Variants in BRD3 observed in about 807,000 individuals in gnomAD.
The protein encoded by BRD3 is bromodomain containing 3, also known as bromodomain-containing protein 3.
Under a neutral mutation model 66.8 loss-of-function variants are expected in BRD3, and 17 were observed. That is an observed-to-expected ratio of 0.25 (90% CI 0.17 to 0.38). The LOEUF (loss-of-function observed/expected upper bound fraction) is 0.38, where lower values mean the gene tolerates loss of function less well. Among genes scored for constraint, BRD3 ranks in the 10% least tolerant of loss-of-function variants. BRD3 has a pLI of 1.00. For missense variants in BRD3, 713 were observed against 956.1 expected (o/e 0.75, Z 3.35); for synonymous variants, 421 against 393.2 (o/e 1.07, Z -0.84).
At chr9:134,062,012 G>A (rs536117393) in intron 1 of BRD3, among the ~76,000 whole-genome samples, 1 of 152,306 alleles carries the variant, frequency 6.6e-6, no homozygotes, top group South Asian at 2.1e-4. Context: ...TCCAGGACTC[G>A]GGAAACTGGA....
At chr9:134,063,366 G>A (rs1365803182) in intron 1 of BRD3, among the ~76,000 whole-genome samples, 1 of 152,204 alleles carries the variant, frequency 6.6e-6, no homozygotes, top group Admixed American at 6.5e-5. Context: ...AGCATACCCA[G>A]GGCTCTGTCC....
intron 3 of BRD3, 138 bp from the exon 4 acceptor site, chr9:134,051,847 A>ATG (rs752502651): frequency 0.012 from 6,145 of 515,866 alleles, 135 homozygotes; most frequent in Admixed American, 0.022. Flanking sequence ...AAATGAATAT[A>ATG]TGTGTGTGTG....
At chr9:134,051,811 C>T (rs547716870) in intron 3 of BRD3, 102 bp from the exon 4 acceptor site, 31 of 1,285,460 alleles carry the variant, frequency 2.4e-5, no homozygotes, top group African/African-American at 4.7e-5. Context: ...AATTTGTTAA[C>T]AGATTTGGCA....
intron 10 of BRD3, among the ~76,000 whole-genome samples, chr9:134,035,298 G>A (rs1399833026): frequency 1.3e-5 from 2 of 152,154 alleles, no homozygotes; most frequent in Non-Finnish European, 2.9e-5. Flanking sequence ...TGGGTCAGAC[G>A]CACCATGACC....
intron 7 of BRD3, among the ~76,000 whole-genome samples, chr9:134,043,505 CACCCCAGGCTCTCAT>C (rs1372070718): frequency 6.6e-6 from 1 of 152,192 alleles, no homozygotes; most frequent in Non-Finnish European, 1.5e-5. Context: ...TGGAGAAGCC[CACCCCAGGCTCTCAT>C]ATCCCAGGCT....
Position 134,048,725 on chromosome 9 carries a change from C to A in BRD3, c.715-271G>T, listed in dbSNP as rs896755517. Among the ~76,000 whole-genome samples the A allele has an allele frequency of 4.6e-5, 7 of 152,246 alleles. No homozygotes were observed. The South Asian group carries it at 6.2e-4, about 14-fold the overall frequency. ...GAGGGGAGATACCTCTCTCCCTTAG[C>A]CCCGAGGGCTCAGGGGTCCCGGGTG... On this transcript the variant is annotated intron_variant, in intron 5 of 11. Coordinates refer to ENST00000303407, the MANE Select transcript of BRD3 (RefSeq NM_007371.4).
At chr9:134,037,655 G>A (rs2132386183) in intron 9 of BRD3, among the ~76,000 whole-genome samples, 1 of 152,142 alleles carries the variant, frequency 6.6e-6, no homozygotes, top group South Asian at 2.1e-4. Flanking sequence ...AAGAAGCCAA[G>A]TCTAAACTAA....
intron 1 of BRD3, among the ~76,000 whole-genome samples, chr9:134,063,783 T>C (rs1564562215): frequency 6.6e-6 from 1 of 152,146 alleles, no homozygotes; most frequent in Non-Finnish European, 1.5e-5. Context: ...CACACCCGAG[T>C]CCACTGGGTG....
At chr9:134,038,616 T>C (rs1411390054) in intron 9 of BRD3, among the ~76,000 whole-genome samples, 1 of 152,160 alleles carries the variant, frequency 6.6e-6, no homozygotes, top group Non-Finnish European at 1.5e-5. Flanking sequence ...GCCAGCATTA[T>C]ACTGACACTA....
chr9:134,064,832 AG>A (rs1367219404), intron 1 of BRD3, among the ~76,000 whole-genome samples: 1 of 152,218 alleles, frequency 6.6e-6, no homozygotes, highest in African/African-American at 2.4e-5. Flanking sequence ...GAAGGAGAAT[AG>A]GCAAAGAAAA....
intron 1 of BRD3, among the ~76,000 whole-genome samples, chr9:134,061,061 G>C (rs1830534810): frequency 6.6e-6 from 1 of 152,250 alleles, no homozygotes; most frequent in South Asian, 2.1e-4. Context: ...AAAACACCCA[G>C]AAATGCCAGT....
chr9:134,055,539 G>C (rs910255853), intron 1 of BRD3, among the ~76,000 whole-genome samples: 1 of 152,202 alleles, frequency 6.6e-6, no homozygotes, highest in African/African-American at 2.4e-5. Flanking sequence ...TTCCCCACGA[G>C]GCTCCTGAGG....
At position 134,052,950 on chromosome 9, in the gene BRD3, T is replaced by C. The variant is rs181040111; in HGVS notation, c.213+315A>G. Among the ~76,000 whole-genome samples, 842 of 152,354 alleles carry C rather than the reference T, an allele frequency of 5.5e-3. 6 individuals are homozygous for C. The highest frequency in any genetic ancestry group is 0.019 in the African/African-American group (787 of 41,590). On this transcript the variant is annotated intron_variant, in intron 2 of 11. Coordinates refer to ENST00000303407, the MANE Select transcript of BRD3 (RefSeq NM_007371.4). The stretch of plus-strand genomic sequence containing the variant: ...CACCAAGCTGGCAGATGGGCCATCC[T>C]GCAGGAGCCAGTGAGGCAGAAGAAG...
intron 6 of BRD3, 185 bp downstream of exon 6, chr9:134,047,898 C>T: frequency 1.4e-6 from 1 of 739,692 alleles, no homozygotes; most frequent in Non-Finnish European, 2.1e-6. Context: ...ACAGGCAGAG[C>T]ACGCCTTCCT....
chr9:134,045,190 C>T lies in BRD3; in HGVS notation c.1215+103G>A, dbSNP rs2132407980. On this transcript the variant is annotated intron_variant, in intron 7 of 11. Transcript: ENST00000303407. The surrounding 1 kb of genome is among the most constrained non-coding windows in gnomAD (Gnocchi z 4.8). ...GTTGAGGGAATGAGGCTCTCTAAGG[C>T]CTTCCTCGGCTGGACATTCACCTGG... The T allele has an allele frequency of 6.7e-7, 1 of 1,486,224 alleles. No homozygotes were observed. Among genetic ancestry groups the T allele is most frequent in the East Asian group, 2.3e-5 (1 of 43,158 alleles). 92.1% of individuals were successfully genotyped at this position (1,486,224 alleles called of 1,614,324 possible).
In BRD3 at chr9:134,045,268, C is replaced by T. The variant is rs769947381; in HGVS notation, c.1215+25G>A. ...GCCCACAGCACTGAGCTGAGCAGCCCCACCCGTGCCCAGCCTCGGGTTACC... is the reference window on the plus strand; with the variant it reads ...GCCCACAGCACTGAGCTGAGCAGCCTCACCCGTGCCCAGCCTCGGGTTACC... On this transcript the variant is annotated intron_variant, in intron 7 of 11. Coordinates refer to ENST00000303407, the MANE Select transcript of BRD3 (RefSeq NM_007371.4). The surrounding 1 kb of genome is among the most constrained non-coding windows in gnomAD (Gnocchi z 4.8). 6.2e-7 allele frequency: 1 copy of T among 1,612,528 alleles called. No individual in the cohort carries two copies. The highest frequency in any genetic ancestry group is 8.5e-7 in the Non-Finnish European group (1 of 1,179,592).
chr9:134,066,676 G>T (rs924888340), intron 1 of BRD3, among the ~76,000 whole-genome samples: 4 of 152,228 alleles, frequency 2.6e-5, no homozygotes, highest in African/African-American at 9.6e-5. Context: ...GGTAGGGCGG[G>T]GGAGGACGGG....
intron 5 of BRD3, among the ~76,000 whole-genome samples, chr9:134,048,933 T>A (rs1467793030): frequency 6.6e-6 from 1 of 152,034 alleles, no homozygotes; most frequent in Non-Finnish European, 1.5e-5. Context: ...ACACAAGTTT[T>A]GCGGGACAAG....
At chr9:134,051,878 T>TGTG (rs372701647) in intron 3 of BRD3, among the ~76,000 whole-genome samples, 169 bp from the exon 4 acceptor site, 97 of 116,292 alleles carry the variant, frequency 8.3e-4, no homozygotes, top group African/African-American at 3.3e-3. Flanking sequence ...TGTGTGTGTG[T>TGTG]TGTTTTTTTT....
Sources: gnomAD v4.1 joint callset for allele counts (sites outside exome capture counted in the v4.1 genomes callset) on GRCh38, gnomAD v4.1.1 for gene constraint, Gnocchi (gnomAD v3.1) non-coding constraint, MANE v1.5 for transcripts, NCBI Gene and HGNC (gene_info 2026-07-23, HGNC 2026-07-21) for gene names.